Variants in CNTN1 observed in about 807,000 individuals in gnomAD.
CNTN1 encodes contactin-1.
In CNTN1, 38 loss-of-function variants were observed where a neutral mutation model predicts 126.4. That is an observed-to-expected ratio of 0.30 (90% CI 0.23 to 0.39). CNTN1 has a LOEUF of 0.39. Ranked by LOEUF, CNTN1 falls within the 10% of genes least tolerant of loss-of-function variation. The pLI is 1.00. For synonymous variants in CNTN1, 413 were observed against 422.6 expected (o/e 0.98, Z 0.28); for missense variants, 1,009 against 1,248.4 (o/e 0.81, Z 2.89).
At chr12:41,014,776 T>C (rs913284884) in intron 18 of CNTN1, among the ~76,000 whole-genome samples, 1 of 152,316 alleles carries the variant, frequency 6.6e-6, no homozygotes. Flanking sequence ...GTTACTGAGG[T>C]ATCCAAAGCA....
At chr12:41,013,048 G>C (rs1398251852) in intron 17 of CNTN1, among the ~76,000 whole-genome samples, 2 of 152,152 alleles carry the variant, frequency 1.3e-5, no homozygotes, top group Non-Finnish European at 2.9e-5. Context: ...GAGCAGAAAA[G>C]ACTGGCTGGC....
chr12:40,692,775 G>A (rs1941333926), intron 1 of CNTN1, among the ~76,000 whole-genome samples, 183 bp downstream of exon 1: 3 of 152,240 alleles, frequency 2.0e-5, no homozygotes, highest in South Asian at 2.1e-4. Context: ...CGGGGAAGCA[G>A]GGGTGCGGGA....
chr12:40,709,958 A>T (rs1941869860), intron 1 of CNTN1, among the ~76,000 whole-genome samples: 2 of 152,186 alleles, frequency 1.3e-5, no homozygotes, highest in South Asian at 4.1e-4. Flanking sequence ...CATTTTTTCA[A>T]GAATTTTTCC....
At chr12:40,810,847 A>T (rs191164464) in intron 1 of CNTN1, among the ~76,000 whole-genome samples, 11 of 152,242 alleles carry the variant, frequency 7.2e-5, no homozygotes, top group Admixed American at 6.5e-4. Flanking sequence ...AAGACCTCAT[A>T]TCTACCAAAT....
In CNTN1 at chr12:40,985,884, C is replaced by T. The variant is rs1163156673; in HGVS notation, c.1963+4817C>T. 1.3e-4 allele frequency among the ~76,000 whole-genome samples: 19 copies of T among 151,930 alleles called. No homozygotes were observed. In the South Asian group the frequency reaches 3.1e-3, roughly 25 times the overall value. On this transcript the variant is annotated intron_variant, in intron 16 of 23. Coordinates refer to ENST00000551295, the MANE Select transcript of CNTN1 (RefSeq NM_001843.4). ...GTCTGTGTGTGTGTGTGTGCACGCA[C>T]GCATGTGTCTGTTTATCTGCGTGTC...
intron 1 of CNTN1, among the ~76,000 whole-genome samples, chr12:40,732,577 G>A (rs1349356677): frequency 1.3e-5 from 2 of 151,940 alleles, no homozygotes; most frequent in African/African-American, 2.4e-5. Context: ...AGTGCATAGA[G>A]GGGAATGAGA....
At chr12:40,838,112 G>A (rs976344156) in intron 1 of CNTN1, among the ~76,000 whole-genome samples, 2 of 152,204 alleles carry the variant, frequency 1.3e-5, no homozygotes, top group Admixed American at 6.5e-5. Context: ...ACCCAGCCCG[G>A]CATTGCATCT....
At chr12:41,045,899 T>C (rs1178914095) in intron 23 of CNTN1, among the ~76,000 whole-genome samples, 2 of 152,154 alleles carry the variant, frequency 1.3e-5, no homozygotes, top group Non-Finnish European at 2.9e-5. Context: ...CACTTCTTTT[T>C]CTTAAAAATG....
At chr12:40,803,253 G>C (rs1432163788) in intron 1 of CNTN1, among the ~76,000 whole-genome samples, 1 of 151,866 alleles carries the variant, frequency 6.6e-6, no homozygotes, top group Non-Finnish European at 1.5e-5. Flanking sequence ...AAATTGATGT[G>C]GATGTTGTGT....
rs773796444 is a variant in CNTN1, at chr12:41,025,218, C to T, written c.2592C>T (p.Tyr864=). The change falls in exon 21 of 24, where the codon TAC becomes TAT. Residue 864 remains tyrosine (Y), a synonymous_variant. Coordinates refer to ENST00000551295, the MANE Select transcript of CNTN1 (RefSeq NM_001843.4). ...GAGTTCAAGTCACCAGCCAAGAGTA[C>T]TCGGCCAGGCTCGAGAACCTTCTGC... ...ANRVQVTSQE[Y]SARLENLLPD... is the part of the protein sequence containing the mutation. The T allele has an allele frequency of 1.2e-6, 2 of 1,613,844 alleles. No homozygotes were observed. The highest frequency in any genetic ancestry group is 1.7e-6 in the Non-Finnish European group (2 of 1,179,916).
rs1173799264 is a variant in CNTN1 at position 40,884,203 on chromosome 12, A to AT, written c.-76-24150dup. On this transcript the variant is annotated intron_variant, in intron 1 of 23. Transcript: ENST00000551295. Reference sequence around the variant, plus strand: ...TACCTTGATGTATTTCTAAAATCTTATTTTATGTTCTTTTAATTACCCATT... The same window carrying AT: ...TACCTTGATGTATTTCTAAAATCTTATTTTTATGTTCTTTTAATTACCCATT... Among the ~76,000 whole-genome samples the AT allele has an allele frequency of 4.0e-5, 6 of 151,494 alleles. No homozygotes were observed. In the South Asian group the frequency reaches 1.2e-3, roughly 31 times the overall value.
At chr12:40,935,703 T>TA (rs1946056352) in intron 9 of CNTN1, among the ~76,000 whole-genome samples, 1 of 152,010 alleles carries the variant, frequency 6.6e-6, no homozygotes, top group Non-Finnish European at 1.5e-5. Context: ...ACCAATAGTT[T>TA]AAAAAATATC....
chr12:40,751,552 A>C (rs1275353681), intron 1 of CNTN1, among the ~76,000 whole-genome samples: 1 of 152,132 alleles, frequency 6.6e-6, no homozygotes, highest in Non-Finnish European at 1.5e-5. Context: ...AGAGAAATTC[A>C]CAAAGTGTTT....
chr12:40,693,482 G>A (rs895513696), intron 1 of CNTN1, among the ~76,000 whole-genome samples: 2 of 152,250 alleles, frequency 1.3e-5, no homozygotes. Context: ...GCTGGGAGCA[G>A]TAGGCAGAAG....
intron 20 of CNTN1, among the ~76,000 whole-genome samples, chr12:41,021,306 T>G (rs1005465500): frequency 1.3e-5 from 2 of 152,054 alleles, no homozygotes; most frequent in South Asian, 2.1e-4. Context: ...TCCCTGTTTT[T>G]TTTTTCAGTG....
chr12:40,738,919 T>C (rs1277333206), intron 1 of CNTN1, among the ~76,000 whole-genome samples: 2 of 152,058 alleles, frequency 1.3e-5, no homozygotes, highest in African/African-American at 2.4e-5. Flanking sequence ...AGAAGATTCA[T>C]AGGTTCACAG....
At chr12:40,747,428 A>G (rs886358705) in intron 1 of CNTN1, among the ~76,000 whole-genome samples, 1 of 151,946 alleles carries the variant, frequency 6.6e-6, no homozygotes, top group African/African-American at 2.4e-5. Context: ...AAAAAAGATG[A>G]TAAAATACAA....
At chr12:41,008,646 T>G (rs1948566450) in intron 17 of CNTN1, among the ~76,000 whole-genome samples, 1 of 152,214 alleles carries the variant, frequency 6.6e-6, no homozygotes, top group African/African-American at 2.4e-5. Context: ...ATCCTTCTTT[T>G]TAAACAACCA....
At chr12:41,014,457 T>C (rs1173699742) in intron 18 of CNTN1, among the ~76,000 whole-genome samples, 159 bp downstream of exon 18, 1 of 152,204 alleles carries the variant, frequency 6.6e-6, no homozygotes, top group African/African-American at 2.4e-5. Flanking sequence ...TCAGATTTTA[T>C]CTGGCTTACT....
Sources: gnomAD v4.1 joint callset for allele counts (sites outside exome capture counted in the v4.1 genomes callset) on GRCh38, gnomAD v4.1.1 for gene constraint, MANE v1.5 for transcripts, NCBI Gene and HGNC (gene_info 2026-07-23, HGNC 2026-07-21) for gene names.